Variants in LRP2 observed in about 807,000 individuals in gnomAD.
LRP2 encodes LDL receptor related protein 2.
In LRP2, 172 loss-of-function variants were observed where a neutral mutation model predicts 531.0. The observed-to-expected ratio is 0.32, with a 90% confidence interval of 0.29 to 0.37. The LOEUF (loss-of-function observed/expected upper bound fraction) is 0.37, where lower values mean the gene tolerates loss of function less well. Ranked by LOEUF, LRP2 falls within the 10% of genes least tolerant of loss-of-function variation. The probability of loss-of-function intolerance (pLI) is 1.00; values close to 1 mark genes in which losing one functional copy is unlikely to be tolerated. For missense variants in LRP2, 5,167 were observed against 5,868.3 expected (o/e 0.88, Z 3.90); for synonymous variants, 1,992 against 2,027.6 (o/e 0.98, Z 0.47).
chr2:169,146,659 CCTT>C, intron 69 of LRP2, 77 bp downstream of exon 69: 2 of 1,222,768 alleles, frequency 1.6e-6, no homozygotes, highest in Non-Finnish European at 2.3e-6. Context: ...GAGCAGGGCT[CCTT>C]CTTGAGAAAA....
intron 3 of LRP2, 37 bp from the exon 4 acceptor site, chr2:169,307,434 A>T: frequency 1.2e-5 from 14 of 1,148,568 alleles, no homozygotes; most frequent in Non-Finnish European, 1.8e-5. Context: ...ATTTATAATT[A>T]TTGCTAGACA....
intron 1 of LRP2, among the ~76,000 whole-genome samples, chr2:169,345,362 CGTGA>C (rs978913710): frequency 1.3e-5 from 2 of 152,056 alleles, no homozygotes; most frequent in African/African-American, 2.4e-5. Context: ...GCAAGCTTAC[CGTGA>C]GTGTCATTTT....
At chr2:169,291,075 G>C (rs1683987395) in intron 7 of LRP2, 78 bp from the exon 8 acceptor site, 1 of 1,301,950 alleles carries the variant, frequency 7.7e-7, no homozygotes, top group Non-Finnish European at 1.1e-6. Flanking sequence ...GTTTACAGAG[G>C]ATGTAGAGCA....
chr2:169,314,537 C>A (rs141393346), intron 3 of LRP2, among the ~76,000 whole-genome samples: 66 of 151,780 alleles, frequency 4.3e-4, no homozygotes, highest in African/African-American at 1.6e-3. Context: ...ATTATAAAAC[C>A]ATAATTAACA....
At chr2:169,239,129 G>A (rs897348121) in intron 26 of LRP2, among the ~76,000 whole-genome samples, 1 of 152,064 alleles carries the variant, frequency 6.6e-6, no homozygotes, top group African/African-American at 2.4e-5. Context: ...TTTGAAAGTG[G>A]TCAAATCAAT....
At chr2:169,309,405 G>A (rs1684526640) in intron 3 of LRP2, among the ~76,000 whole-genome samples, 1 of 152,136 alleles carries the variant, frequency 6.6e-6, no homozygotes, top group Admixed American at 6.5e-5. Context: ...TTTGTATAAG[G>A]TGTAAGGAAG....
At position 169,137,324 on chromosome 2, in the gene LRP2, G is replaced by A. The variant is rs1355632957; in HGVS notation, c.13620+68C>T. On this transcript the variant is annotated intron_variant, in intron 76 of 78. Coordinates refer to ENST00000649046, the MANE Select transcript of LRP2 (RefSeq NM_004525.3). ...GGAGGGAAGGTTAGGAAAATCCTAA[G>A]ACATGACTCAATAGATTAAGATCCA... 4.0e-5 allele frequency: 46 copies of A among 1,148,324 alleles called. No homozygotes were observed. The East Asian group carries it at 4.4e-4, about 11-fold the overall frequency. 71.1% of individuals were successfully genotyped at this position (1,148,324 alleles called of 1,614,324 possible). A position where few individuals can be genotyped will look rare whatever the true frequency, so the allele number is the denominator to read the frequency against.
intron 1 of LRP2, among the ~76,000 whole-genome samples, chr2:169,349,762 T>C (rs1685795007): frequency 6.6e-6 from 1 of 152,200 alleles, no homozygotes; most frequent in Non-Finnish European, 1.5e-5. Context: ...CAGAGCTTCC[T>C]CTGGGTTGAC....
chr2:169,255,394 A>G (rs1690263255), intron 19 of LRP2, among the ~76,000 whole-genome samples: 1 of 152,140 alleles, frequency 6.6e-6, no homozygotes, highest in Non-Finnish European at 1.5e-5. Flanking sequence ...TCACAGCAGC[A>G]TGCCTGCACT....
intron 4 of LRP2, among the ~76,000 whole-genome samples, chr2:169,304,645 C>T (rs1409574517): frequency 2.6e-5 from 4 of 152,172 alleles, no homozygotes; most frequent in African/African-American, 4.8e-5. Context: ...TCCAGACACA[C>T]GCTACCATCT....
chr2:169,128,570 C>T lies in LRP2; in HGVS notation c.*93G>A. ...CAAACAGGGAAAAATATATTTTTTT[C>T]ATAAAGTACTGAATGTTAACTTTTT... On this transcript the variant is annotated 3_prime_UTR_variant, in exon 79 of 79. Coordinates refer to ENST00000649046, the MANE Select transcript of LRP2 (RefSeq NM_004525.3). The T allele has an allele frequency of 7.8e-7, 1 of 1,279,060 alleles. No homozygotes were observed. Among genetic ancestry groups the T allele is most frequent in the Non-Finnish European group, 1.1e-6 (1 of 886,200 alleles). 79.2% of individuals were successfully genotyped at this position (1,279,060 alleles called of 1,614,324 possible).
intron 53 of LRP2, among the ~76,000 whole-genome samples, chr2:169,177,165 T>C (rs1687226236): frequency 6.6e-6 from 1 of 152,244 alleles, no homozygotes; most frequent in South Asian, 2.1e-4. Context: ...AAGTTTATCA[T>C]ATGTTTTAGC....
chr2:169,128,790 G>A lies in LRP2; in HGVS notation c.13841C>T (p.Pro4614Leu), dbSNP rs370700015. Residue 4614 changes from proline (P) to leucine (L), a missense_variant, in exon 79 of 79, where the codon CCT becomes CTT. This residue lies in a region of LRP2 where 348 missense variants were observed against 369.3 expected (regional missense o/e 0.94). Transcript: ENST00000649046. ...CTTAGCAGGGAGCGAAGGTGATGGA[G>A]GTGGTGTCGCAGCAACACTTTCCTT... The part of the protein sequence containing the change: ...EQKESVAATP[P>L]PSPSLPAKPK... 1 of 1,613,968 alleles carries A rather than the reference G, an allele frequency of 6.2e-7. No homozygotes were observed. The highest frequency in any genetic ancestry group is 1.3e-5 in the African/African-American group (1 of 74,902).
chr2:169,320,111 A>T (rs868035431), intron 2 of LRP2, among the ~76,000 whole-genome samples: 9 of 152,256 alleles, frequency 5.9e-5, no homozygotes, highest in Middle Eastern at 3.2e-3. Context: ...ACCAACTGTA[A>T]GAACTTTAAT....
chr2:169,239,422 A>C, intron 26 of LRP2, 105 bp downstream of exon 26: 1 of 1,588,934 alleles, frequency 6.3e-7, no homozygotes, highest in Non-Finnish European at 8.6e-7. Context: ...CCAGGATTCA[A>C]GTCGATCTAA....
At chr2:169,350,307 C>T (rs1685812436) in intron 1 of LRP2, among the ~76,000 whole-genome samples, 1 of 152,084 alleles carries the variant, frequency 6.6e-6, no homozygotes, top group Admixed American at 6.6e-5. Flanking sequence ...TATTGGCCAG[C>T]CAGGTGGACA....
chr2:169,139,415 C>T (rs374684719), intron 73 of LRP2, 44 bp from the exon 74 acceptor site: 19 of 1,614,044 alleles, frequency 1.2e-5, no homozygotes, highest in South Asian at 5.5e-5. Flanking sequence ...CATGGGAGCC[C>T]GCAATCCTGG....
intron 76 of LRP2, among the ~76,000 whole-genome samples, chr2:169,135,016 T>C (rs1685445564): frequency 6.6e-6 from 1 of 152,174 alleles, no homozygotes; most frequent in South Asian, 2.1e-4. Context: ...AACTTCCACC[T>C]ATCAATCTCT....
rs1687699015 is a variant in LRP2 at position 169,188,172 on chromosome 2, C to T, written c.9126G>A (p.Gly3042=). Residue 3042 remains glycine (G), a synonymous_variant, in exon 49 of 79, where the codon GGG becomes GGA. Coordinates refer to ENST00000649046, the MANE Select transcript of LRP2 (RefSeq NM_004525.3). ...CQQNQFTCQN[G]RCISKTFVCD... is the part of the protein sequence containing the mutation. ...AGACGAAGGTTTTACTAATGCAGCG[C>T]CCGTTCTGACAGGTAAACTGATTCT... 1 of 1,614,134 alleles carries T rather than the reference C, an allele frequency of 6.2e-7. No homozygotes were observed. The highest frequency in any genetic ancestry group is 1.3e-5 in the African/African-American group (1 of 75,010).
Sources: gnomAD v4.1 joint callset for allele counts (sites outside exome capture counted in the v4.1 genomes callset) on GRCh38, gnomAD v4.1.1 for gene constraint, gnomAD v4.1.1 regional missense constraint, MANE v1.5 for transcripts, NCBI Gene and HGNC (gene_info 2026-07-23, HGNC 2026-07-21) for gene names.